The following TNNI3K variants were observed in gnomAD, a reference collection of about 807,000 sequenced individuals.
The protein encoded by TNNI3K is serine/threonine-protein kinase TNNI3K.
In TNNI3K, 140 loss-of-function variants were observed where a neutral mutation model predicts 114.5. The observed-to-expected ratio is 1.22, with a 90% CI of 1.07 to 1.41. The LOEUF is 1.41. TNNI3K is among the 40% of genes most tolerant of loss of function. TNNI3K has a pLI of 0.00. For missense variants in TNNI3K, 1,125 were observed against 1,007.6 expected (o/e 1.12, Z -1.58); for synonymous variants, 347 against 347.5 (o/e 1.00, Z 0.02).
intron 21 of TNNI3K, among the ~76,000 whole-genome samples, chr1:74,468,700 T>C (rs967639704): frequency 6.6e-6 from 1 of 152,166 alleles, no homozygotes; most frequent in African/African-American, 2.4e-5. Flanking sequence ...TTATTATTAT[T>C]CTACCAAATG....
At chr1:74,332,364 G>A (rs913718515) in intron 6 of TNNI3K, among the ~76,000 whole-genome samples, 2 of 150,594 alleles carry the variant, frequency 1.3e-5, no homozygotes, top group Non-Finnish European at 2.9e-5. Context: ...GCAGTGGCTC[G>A]ATCTCGGCTC....
At chr1:74,473,941 A>T (rs925681848) in intron 21 of TNNI3K, among the ~76,000 whole-genome samples, 2 of 152,088 alleles carry the variant, frequency 1.3e-5, no homozygotes, top group African/African-American at 4.8e-5. Context: ...GCATAATCAG[A>T]GTGGCAATTT....
chr1:74,534,329 G>T lies in TNNI3K; in HGVS notation c.2352-5905G>T, dbSNP rs571088987. 5.3e-5 allele frequency among the ~76,000 whole-genome samples: 8 copies of T among 152,252 alleles called. No homozygotes were observed. The South Asian group carries it at 1.7e-3, about 32-fold the overall frequency. ...CAGAAGAATGTGATTTTAAAAAAAT[G>T]ATTCCTTTTGGACTGCATACCCATC... On this transcript the variant is annotated intron_variant, in intron 23 of 24. Transcript: ENST00000326637.
At chr1:74,498,161 A>C (rs1277600103) in intron 23 of TNNI3K, among the ~76,000 whole-genome samples, 1 of 152,216 alleles carries the variant, frequency 6.6e-6, no homozygotes, top group Non-Finnish European at 1.5e-5. Flanking sequence ...ACTACAGACA[A>C]ACTAGAAGTT....
At chr1:74,436,578 ACT>A (rs770643376) in intron 19 of TNNI3K, 52 bp downstream of exon 19, 2 of 1,551,906 alleles carry the variant, frequency 1.3e-6, no homozygotes, top group Non-Finnish European at 1.7e-6. Context: ...AAATATGTAA[ACT>A]CAGCATGAGA....
At chr1:74,291,095 C>T (rs1407327585) in intron 5 of TNNI3K, among the ~76,000 whole-genome samples, 3 of 151,556 alleles carry the variant, frequency 2.0e-5, no homozygotes, top group African/African-American at 4.8e-5. Context: ...TTTCTAGTTC[C>T]CCGGAGAATC....
intron 23 of TNNI3K, among the ~76,000 whole-genome samples, chr1:74,508,543 G>C (rs905562021): frequency 6.6e-6 from 1 of 152,194 alleles, no homozygotes. Flanking sequence ...AAAAGACAGA[G>C]AGAAAAGGGT....
At chr1:74,372,513 T>A (rs1213418474) in intron 17 of TNNI3K, 2 of 151,934 alleles carry the variant, frequency 1.3e-5, no homozygotes, top group Admixed American at 1.3e-4. Context: ...TTTCTTAATT[T>A]TTAGCTATTA....
chr1:74,390,772 T>C (rs1304297930), intron 17 of TNNI3K, among the ~76,000 whole-genome samples: 2 of 152,078 alleles, frequency 1.3e-5, no homozygotes, highest in Non-Finnish European at 2.9e-5. Context: ...AGTAAGTTAT[T>C]AGGAATAGAG....
At chr1:74,396,868 G>T (rs1402961018) in intron 17 of TNNI3K, among the ~76,000 whole-genome samples, 1 of 152,188 alleles carries the variant, frequency 6.6e-6, no homozygotes, top group Non-Finnish European at 1.5e-5. Flanking sequence ...ACCCAGTAGG[G>T]CAAGGCCTCT....
chr1:74,485,564 A>G (rs897648266), intron 21 of TNNI3K, among the ~76,000 whole-genome samples: 1 of 152,198 alleles, frequency 6.6e-6, no homozygotes, highest in Non-Finnish European at 1.5e-5. Context: ...CCTGTCCTTC[A>G]GTGTGGGCAG....
At chr1:74,403,687 A>C (rs1664479278) in intron 17 of TNNI3K, among the ~76,000 whole-genome samples, 1 of 152,160 alleles carries the variant, frequency 6.6e-6, no homozygotes, top group Non-Finnish European at 1.5e-5. Context: ...ATTTGGGGAC[A>C]CACCTAGATA....
chr1:74,466,112 A>T (rs1039989521), intron 21 of TNNI3K, among the ~76,000 whole-genome samples: 1 of 152,214 alleles, frequency 6.6e-6, no homozygotes, highest in Non-Finnish European at 1.5e-5. Flanking sequence ...AGAAGGAAGA[A>T]ACTCCGGACA....
At chr1:74,299,592 A>G (rs1658193919) in intron 5 of TNNI3K, among the ~76,000 whole-genome samples, 1 of 152,136 alleles carries the variant, frequency 6.6e-6, no homozygotes, top group South Asian at 2.1e-4. Flanking sequence ...TTATATTATC[A>G]TAACTGCAAA....
chr1:74,284,763 G>A (rs1297804971), intron 5 of TNNI3K, among the ~76,000 whole-genome samples: 3 of 152,286 alleles, frequency 2.0e-5, no homozygotes, highest in Middle Eastern at 3.4e-3. Context: ...AGACCTTGGC[G>A]ATGACCTTGA....
chr1:74,302,604 G>T (rs543899898), intron 5 of TNNI3K, among the ~76,000 whole-genome samples: 7 of 152,280 alleles, frequency 4.6e-5, no homozygotes, highest in African/African-American at 1.4e-4. Context: ...TTGCTGATAC[G>T]GAGGAAGTTT....
chr1:74,486,232 A>AGAGAGAGAGAGAGAGACT (rs922581714), intron 21 of TNNI3K, among the ~76,000 whole-genome samples: 1 of 149,136 alleles, frequency 6.7e-6, no homozygotes, highest in African/African-American at 2.5e-5. Flanking sequence ...AGAGAGAGAG[A>AGAGAGAGAGAGAGAGACT]GGTGGGAAAT....
chr1:74,401,762 C>G (rs1472536188), intron 17 of TNNI3K: 1 of 424,362 alleles, frequency 2.4e-6, no homozygotes, highest in Non-Finnish European at 4.7e-6. Flanking sequence ...CATGTAAATT[C>G]AAACCATAAA....
intron 5 of TNNI3K, among the ~76,000 whole-genome samples, chr1:74,307,964 A>AAT (rs1553129661): frequency 6.6e-6 from 1 of 151,868 alleles, no homozygotes; most frequent in Non-Finnish European, 1.5e-5. Flanking sequence ...TCCATGTAAA[A>AAT]ATATATATAT....
Sources: gnomAD v4.1 joint callset for allele counts (sites outside exome capture counted in the v4.1 genomes callset) on GRCh38, gnomAD v4.1.1 for gene constraint, MANE v1.5 for transcripts, NCBI Gene and HGNC (gene_info 2026-07-23, HGNC 2026-07-21) for gene names.